SEL1L3: variants seen among roughly 807,000 people sequenced by gnomAD.
SEL1L3 encodes protein sel-1 homolog 3.
SEL1L3 carries 76 observed loss-of-function variants against 142.8 expected under a neutral mutation model. The observed-to-expected ratio is 0.53, with a 90% CI of 0.44 to 0.64. The LOEUF (loss-of-function observed/expected upper bound fraction) is 0.64, where lower values mean the gene tolerates loss of function less well. Among genes scored for constraint, SEL1L3 ranks in the 30% least tolerant of loss-of-function variants. The probability of loss-of-function intolerance (pLI) is 0.00; values close to 1 mark genes in which losing one functional copy is unlikely to be tolerated. For synonymous variants in SEL1L3, 504 were observed against 519.6 expected, an observed-to-expected ratio of 0.97 and a Z score of 0.41; for missense variants, 1,262 against 1,381.7, an observed-to-expected ratio of 0.91 and a Z score of 1.37.
chr4:25,837,228 T>G (rs1715890563), intron 2 of SEL1L3, among the ~76,000 whole-genome samples: 1 of 150,286 alleles, frequency 6.7e-6, no homozygotes. Context: ...CAGCTCAACT[T>G]TGGTTTGGCT....
At chr4:25,715,414 C>T in the SEL1L3 span, among the ~76,000 whole-genome samples, 4 of 152,036 alleles carry the variant, frequency 2.6e-5, no homozygotes, top group Admixed American at 2.0e-4. Flanking sequence ...TGGTAAAAAT[C>T]CAGAAGTCTG....
the SEL1L3 span, chr4:25,719,618 G>T: frequency 6.6e-6 from 1 of 152,170 alleles, no homozygotes; most frequent in Non-Finnish European, 1.5e-5. Flanking sequence ...TGTTGAATTG[G>T]TTAAAAAATA....
intron 1 of SEL1L3, among the ~76,000 whole-genome samples, chr4:25,855,252 A>T (rs1717175125): frequency 6.6e-6 from 1 of 152,340 alleles, no homozygotes; most frequent in South Asian, 2.1e-4. Context: ...TAAGGCAATT[A>T]ACTTGAAGAG....
chr4:25,748,635 G>T, intron 23 of SEL1L3, 71 bp from the exon 24 acceptor site: 1 of 1,514,456 alleles, frequency 6.6e-7, no homozygotes, highest in Non-Finnish European at 8.9e-7. Flanking sequence ...ACCACACCTA[G>T]AGACTCTGGC....
At chr4:25,858,314 T>C (rs1717403103) in intron 1 of SEL1L3, among the ~76,000 whole-genome samples, 1 of 152,200 alleles carries the variant, frequency 6.6e-6, no homozygotes, top group Non-Finnish European at 1.5e-5. Flanking sequence ...TTGGGGATGA[T>C]CTCTATTTTC....
chr4:25,778,147 A>G (rs910752563), intron 16 of SEL1L3, among the ~76,000 whole-genome samples: 2 of 152,156 alleles, frequency 1.3e-5, no homozygotes, highest in African/African-American at 4.8e-5. Flanking sequence ...CTACTATTGG[A>G]TGTGCTCCAC....
chr4:25,797,287 CT>C (rs1321627922), intron 11 of SEL1L3, among the ~76,000 whole-genome samples: 2 of 152,278 alleles, frequency 1.3e-5, no homozygotes, highest in East Asian at 3.9e-4. Context: ...GCCAGCACCC[CT>C]GGGAACTCAG....
At chr4:25,814,574 T>C (rs895234775) in intron 9 of SEL1L3, among the ~76,000 whole-genome samples, 6 of 152,142 alleles carry the variant, frequency 3.9e-5, no homozygotes, top group African/African-American at 1.4e-4. Context: ...GAAAATAGAA[T>C]GCAAACACAG....
chr4:25,859,369 T>A (rs1717524129), intron 1 of SEL1L3, among the ~76,000 whole-genome samples: 1 of 152,246 alleles, frequency 6.6e-6, no homozygotes. Context: ...CTGTTTGGCA[T>A]CGTTCCGTGA....
chr4:25,815,101 A>C (rs1714304389), intron 9 of SEL1L3, among the ~76,000 whole-genome samples: 1 of 152,214 alleles, frequency 6.6e-6, no homozygotes, highest in African/African-American at 2.4e-5. Flanking sequence ...AGAGGAAGGC[A>C]GCTGGCCATG....
At chr4:25,845,907 G>T (rs1002701740) in intron 2 of SEL1L3, among the ~76,000 whole-genome samples, 1 of 152,164 alleles carries the variant, frequency 6.6e-6, no homozygotes, top group Non-Finnish European at 1.5e-5. Context: ...TGGCCCACAG[G>T]TTCTCAAGTT....
chr4:25,752,345 A>G (rs1054253163), intron 23 of SEL1L3, among the ~76,000 whole-genome samples: 55 of 141,234 alleles, frequency 3.9e-4, no homozygotes, highest in African/African-American at 1.4e-3. Context: ...TGAACCCCGG[A>G]GGCGGTGGTT....
downstream of SEL1L3, among the ~76,000 whole-genome samples, chr4:25,744,543 G>T (rs551341325): frequency 6.6e-6 from 1 of 151,922 alleles, no homozygotes; most frequent in Admixed American, 6.6e-5. Flanking sequence ...TAGTAGAGAC[G>T]AGGTTTCACC....
chr4:25,763,275 CCTT>C (rs759642875), intron 20 of SEL1L3, among the ~76,000 whole-genome samples: 1 of 151,994 alleles, frequency 6.6e-6, no homozygotes, highest in Non-Finnish European at 1.5e-5. Context: ...AGCAGTAACT[CCTT>C]CTTTTCAGAA....
chr4:25,795,911 C>G lies in SEL1L3; in HGVS notation c.1957-5337G>C, dbSNP rs78830971. Among the ~76,000 whole-genome samples, 83 of 149,348 alleles carry G rather than the reference C, an allele frequency of 5.6e-4. 1 individual carries two copies. The highest frequency in any genetic ancestry group is 8.7e-4 in the Non-Finnish European group (59 of 67,614). On this transcript the variant is annotated intron_variant, in intron 11 of 23. Coordinates refer to ENST00000399878, the MANE Select transcript of SEL1L3 (RefSeq NM_015187.5). Reference sequence around the variant, plus strand: ...GTGGGCAGGAAAAGCCGGGAAGAAGCTGTGGACTGGGAGAAAAAAAAAAAA... The same window carrying G: ...GTGGGCAGGAAAAGCCGGGAAGAAGGTGTGGACTGGGAGAAAAAAAAAAAA...
chr4:25,751,984 CT>C (rs1185502020), intron 23 of SEL1L3, among the ~76,000 whole-genome samples: 1 of 151,330 alleles, frequency 6.6e-6, no homozygotes, highest in Non-Finnish European at 1.5e-5. Context: ...TGGCGTGCAT[CT>C]GTAATCTCAG....
chr4:25,836,690 T>C (rs1715844441), intron 2 of SEL1L3, among the ~76,000 whole-genome samples: 1 of 152,096 alleles, frequency 6.6e-6, no homozygotes, highest in South Asian at 2.1e-4. Context: ...AAAATACTCC[T>C]TAGTTTAGAC....
At chr4:25,756,878 G>A (rs770160859) in intron 23 of SEL1L3, 293 of 1,284,044 alleles carry the variant, frequency 2.3e-4, no homozygotes, top group Non-Finnish European at 2.8e-4. Context: ...GAGCTTTGGC[G>A]CTGTGTTTTC....
At chr4:25,812,305 C>T (rs1714085034) in intron 9 of SEL1L3, among the ~76,000 whole-genome samples, 1 of 152,212 alleles carries the variant, frequency 6.6e-6, no homozygotes, top group South Asian at 2.1e-4. Context: ...CTCCTGTCTC[C>T]CCAGGCAGAT....
Sources: gnomAD v4.1 joint callset for allele counts (sites outside exome capture counted in the v4.1 genomes callset) on GRCh38, gnomAD v4.1.1 for gene constraint, MANE v1.5 for transcripts, NCBI Gene and HGNC (gene_info 2026-07-23, HGNC 2026-07-21) for gene names.